RHCE: variants seen among roughly 807,000 people sequenced by gnomAD.
RHCE encodes blood group Rh(CE) polypeptide.
A neutral mutation model predicts 43.8 loss-of-function variants in RHCE; 22 were observed. That is an observed-to-expected ratio of 0.50 (90% CI 0.36 to 0.72). The LOEUF (loss-of-function observed/expected upper bound fraction) is 0.72, where lower values mean the gene tolerates loss of function less well. Ranked by LOEUF, RHCE falls within the 30% of genes least tolerant of loss-of-function variation. The pLI is 0.00. For synonymous variants in RHCE, 156 were observed against 210.7 expected (o/e 0.74, Z 2.25); for missense variants, 385 against 525.4 (o/e 0.73, Z 2.61).
intron 3 of RHCE, among the ~76,000 whole-genome samples, chr1:25,397,804 A>G (rs2124457385): frequency 6.8e-6 from 1 of 147,994 alleles, no homozygotes; most frequent in Admixed American, 6.8e-5. Flanking sequence ...TGTCATTACC[A>G]GTAACTGTTG....
intron 7 of RHCE, among the ~76,000 whole-genome samples, chr1:25,379,483 ATATATATATATAT>A (rs1352511263): frequency 3.2e-3 from 62 of 19,450 alleles, no homozygotes; most frequent in South Asian, 0.011. Flanking sequence ...ATATATATAT[ATATATATATATAT>A]TTTTTTTTTT....
At position 25,408,845 on chromosome 1, in the gene RHCE, G is replaced by A. The variant is rs186423475; in HGVS notation, c.173C>T (p.Ala58Val). The change falls in exon 2 of 10, where the codon GCG becomes GTG. Residue 58 changes from alanine to valine, a missense_variant. This residue lies in a region of RHCE where 110 missense variants were observed against 192.1 expected (regional missense o/e 0.57). Transcript: ENST00000294413. ...GGTGAGGAAGCCCAAGCCAAGGGCC[G>A]CCATCACGGTCAGATCTTGGCCGAC... ...YQVGQDLTVM[A>V]ALGLGFLTSN... The A allele has an allele frequency of 1.0e-5, 13 of 1,283,546 alleles. 3 individuals carry two copies. The highest frequency in any genetic ancestry group is 3.7e-5 in the South Asian group (2 of 53,668). 79.5% of individuals were successfully genotyped at this position (1,283,546 alleles called of 1,614,324 possible).
In RHCE at chr1:25,399,062, T is replaced by C; in HGVS notation, c.486+3534A>G. On this transcript the variant is annotated intron_variant, in intron 3 of 9. Transcript: ENST00000294413. ...GCCTTGGACAAGTTGTTACTGACTA[T>C]GTTCATGGGGATGCCTCGCAGAAAG... 1.9e-6 allele frequency: 3 copies of C among 1,605,760 alleles called. No individual in the cohort carries two copies. In the South Asian group the frequency reaches 3.3e-5, roughly 18 times the overall value.
At chr1:25,380,826 C>T (rs1425123876) in intron 7 of RHCE, among the ~76,000 whole-genome samples, 3 of 150,848 alleles carry the variant, frequency 2.0e-5, no homozygotes, top group African/African-American at 7.3e-5. Context: ...TCTGAAATGG[C>T]TTTGGAGTTT....
intron 2 of RHCE, among the ~76,000 whole-genome samples, chr1:25,425,937 A>G (rs1245728923): frequency 6.6e-6 from 1 of 152,220 alleles, no homozygotes; most frequent in Non-Finnish European, 1.5e-5. Flanking sequence ...GATTTAACAC[A>G]CATGAGCTTT....
At chr1:25,405,724 T>A (rs1460519182) in intron 2 of RHCE, among the ~76,000 whole-genome samples, 2 of 123,622 alleles carry the variant, frequency 1.6e-5, no homozygotes, top group Non-Finnish European at 3.7e-5. Flanking sequence ...TTTGTTCCAA[T>A]AGCCATTTGC....
At chr1:25,411,916 T>C (rs988235896) in intron 1 of RHCE, among the ~76,000 whole-genome samples, 2 of 152,242 alleles carry the variant, frequency 1.3e-5, no homozygotes, top group Admixed American at 6.5e-5. Flanking sequence ...AGCAATGCTA[T>C]ATGCATAGGG....
Position 25,420,638 on chromosome 1 carries a change from C to T in RHCE, c.148+1G>A, listed in dbSNP as rs1378479424. The T allele has an allele frequency of 1.2e-6, 2 of 1,613,894 alleles. No homozygotes were observed. Among genetic ancestry groups the T allele is most frequent in the Non-Finnish European group, 8.5e-7 (1 of 1,179,866 alleles). On this transcript the variant is annotated splice_donor_variant, in intron 1 of 9. Coordinates refer to ENST00000294413, the MANE Select transcript of RHCE (RefSeq NM_020485.8). LOFTEE classifies it high-confidence loss of function. ...TGACCACTGTTCCAATGAACTCTCA[C>T]CTTGATAGGATGCCACGAGCCCCTT...
Position 25,362,438 on chromosome 1 carries a change from A to G in RHCE, c.*89T>C. On this transcript the variant is annotated 3_prime_UTR_variant, in exon 10 of 10. Transcript: ENST00000294413. ...TTATACATAAGGAGACTTTGCTGTCATGAGCGTTTCTCACGTACAAATGCA... is the reference window on the plus strand; with the variant it reads ...TTATACATAAGGAGACTTTGCTGTCGTGAGCGTTTCTCACGTACAAATGCA... 1 of 1,613,662 alleles carries G rather than the reference A, an allele frequency of 6.2e-7. No individual in the cohort carries two copies. Among genetic ancestry groups the G allele is most frequent in the Non-Finnish European group, 8.5e-7 (1 of 1,179,716 alleles).
intron 6 of RHCE, among the ~76,000 whole-genome samples, 170 bp from the exon 7 acceptor site, chr1:25,386,014 T>C (rs868232544): frequency 6.6e-6 from 1 of 152,258 alleles, no homozygotes; most frequent in Middle Eastern, 3.4e-3. Flanking sequence ...ATGGGGAGTT[T>C]GTTGAAATGA....
chr1:25,377,248 A>T (rs906756650), intron 7 of RHCE, among the ~76,000 whole-genome samples: 1 of 152,080 alleles, frequency 6.6e-6, no homozygotes, highest in Non-Finnish European at 1.5e-5. Context: ...ATGACCTTGC[A>T]AATTTCTTTT....
intron 1 of RHCE, among the ~76,000 whole-genome samples, chr1:25,418,142 T>G (rs1236675247): frequency 6.6e-6 from 1 of 151,994 alleles, no homozygotes; most frequent in African/African-American, 2.4e-5. Context: ...TTCTCCTCCC[T>G]CAGCTTCCCA....
Position 25,429,780 on chromosome 1 carries a change from C to A in RHCE, c.-137+160G>T, listed in dbSNP as rs568226920. Among the ~76,000 whole-genome samples, 61 of 152,010 alleles carry A rather than the reference C, an allele frequency of 4.0e-4. No homozygotes were observed. The South Asian group carries it at 4.2e-3, about 10-fold the overall frequency. On this transcript the variant is annotated intron_variant, in intron 1 of 11. Transcript: ENST00000349320. ...AGACTCATTGGTGTTTTTTCCTTTT[C>A]GGCCACTTTCCTACATTTTCCCCAG...
chr1:25,386,405 C>G (rs1264520898), intron 6 of RHCE, among the ~76,000 whole-genome samples: 1 of 152,216 alleles, frequency 6.6e-6, no homozygotes, highest in African/African-American at 2.4e-5. Context: ...CTCTAGATCC[C>G]TACTCAGTAA....
At position 25,383,380 on chromosome 1, in the gene RHCE, G is replaced by A. The variant is rs28623593; in HGVS notation, c.1073+2331C>T. Among the ~76,000 whole-genome samples, 740 of 152,302 alleles carry A rather than the reference G, an allele frequency of 4.9e-3. 6 individuals carry two copies. The highest frequency in any genetic ancestry group is 0.017 in the African/African-American group (706 of 41,570). On this transcript the variant is annotated intron_variant, in intron 7 of 9. Transcript: ENST00000294413. Reference sequence around the variant, plus strand: ...TAATCCACAGTTCCCATTAAGTGCTGTGACTTTGCACTTAATCCTCTCTCC... The same window carrying A: ...TAATCCACAGTTCCCATTAAGTGCTATGACTTTGCACTTAATCCTCTCTCC...
chr1:25,385,283 G>A (rs1166266130), intron 7 of RHCE, among the ~76,000 whole-genome samples: 1 of 152,168 alleles, frequency 6.6e-6, no homozygotes, highest in Non-Finnish European at 1.5e-5. Context: ...CCCTGTGAGG[G>A]GAGATAGTAT....
At chr1:25,381,028 T>G (rs541281428) in intron 7 of RHCE, among the ~76,000 whole-genome samples, 18 of 150,324 alleles carry the variant, frequency 1.2e-4, no homozygotes, top group Non-Finnish European at 2.2e-4. Context: ...CAGCCTCCCA[T>G]GTAGCTGGGA....
At chr1:25,425,513 A>T (rs2042798771), upstream of RHCE, among the ~76,000 whole-genome samples, 1 of 152,178 alleles carries the variant, frequency 6.6e-6, no homozygotes, top group Non-Finnish European at 1.5e-5. Context: ...CAAGTTACTA[A>T]ATCACCCAGT....
At chr1:25,388,404 T>G (rs1646250221) in intron 6 of RHCE, among the ~76,000 whole-genome samples, 1 of 135,344 alleles carries the variant, frequency 7.4e-6, no homozygotes, top group Non-Finnish European at 1.6e-5. Context: ...TTCTGGGTGC[T>G]GCTCCTCTCA....
Sources: gnomAD v4.1 joint callset for allele counts (sites outside exome capture counted in the v4.1 genomes callset) on GRCh38, gnomAD v4.1.1 for gene constraint, gnomAD v4.1.1 regional missense constraint, MANE v1.5 for transcripts, NCBI Gene and HGNC (gene_info 2026-07-23, HGNC 2026-07-21) for gene names.